The following GALNT13 variants were observed in gnomAD, a reference collection of about 807,000 sequenced individuals.
GALNT13 encodes polypeptide N-acetylgalactosaminyltransferase 13.
In GALNT13, 28 loss-of-function variants were observed where a neutral mutation model predicts 64.2. The ratio of observed to expected loss-of-function variants is 0.44; its 90% CI spans 0.32 to 0.60. GALNT13 has a LOEUF of 0.60. Ranked by LOEUF, GALNT13 falls within the 20% of genes least tolerant of loss-of-function variation. The pLI, the probability that GALNT13 is intolerant of heterozygous loss-of-function variation, is 0.05. For missense variants in GALNT13, 577 were observed against 669.8 expected (o/e 0.86, Z 1.53); for synonymous variants, 214 against 224.6 (o/e 0.95, Z 0.42).
At chr2:153,515,957 C>G in the GALNT13 span, among the ~76,000 whole-genome samples, 1 of 152,140 alleles carries the variant, frequency 6.6e-6, no homozygotes, top group East Asian at 1.9e-4. Flanking sequence ...TACCAAAGGG[C>G]CATGACAGCA....
At chr2:153,297,347 C>T in the GALNT13 span, among the ~76,000 whole-genome samples, 265 of 152,192 alleles carry the variant, frequency 1.7e-3, 8 homozygotes, top group East Asian at 0.043. Flanking sequence ...TTTCTATTTG[C>T]AACTGTGAAG....
the GALNT13 span, among the ~76,000 whole-genome samples, chr2:153,314,321 T>C: frequency 6.6e-6 from 1 of 152,068 alleles, no homozygotes; most frequent in Non-Finnish European, 1.5e-5. Flanking sequence ...ATTATGCATA[T>C]TGAGAGTTCT....
At chr2:154,016,503 C>T (rs901076900) in intron 3 of GALNT13, among the ~76,000 whole-genome samples, 14 of 152,190 alleles carry the variant, frequency 9.2e-5, no homozygotes, top group Admixed American at 5.9e-4. Context: ...CTGCAACTTC[C>T]GCCTCCCTGG....
chr2:154,172,523 A>T (rs1685415335), intron 4 of GALNT13, among the ~76,000 whole-genome samples: 1 of 151,956 alleles, frequency 6.6e-6, no homozygotes, highest in Admixed American at 6.6e-5. Context: ...GCTCCTACTC[A>T]TGAGTGAGAA....
At position 154,334,859 on chromosome 2, in the gene GALNT13, G is replaced by C. The variant is rs116771081; in HGVS notation, c.1156+33270G>C. On this transcript the variant is annotated intron_variant, in intron 9 of 12. Coordinates refer to ENST00000392825, the MANE Select transcript of GALNT13 (RefSeq NM_052917.4). ...TAATTCACACCCAGTTGCCCTTTGA[G>C]ATAAATTTCAGGCTGCTGCTTAACT... Among the ~76,000 whole-genome samples the C allele has an allele frequency of 3.1e-3, 474 of 152,032 alleles. 3 individuals are homozygous for C. Among genetic ancestry groups the C allele is most frequent in the African/African-American group, 0.01 (423 of 41,520 alleles).
At chr2:153,665,034 A>C in the GALNT13 span, among the ~76,000 whole-genome samples, 2 of 152,204 alleles carry the variant, frequency 1.3e-5, no homozygotes, top group African/African-American at 4.8e-5. Flanking sequence ...AACTCACAGA[A>C]ATATTGAATA....
chr2:153,318,081 A>G, the GALNT13 span, among the ~76,000 whole-genome samples: 1 of 151,110 alleles, frequency 6.6e-6, no homozygotes, highest in African/African-American at 2.4e-5. Flanking sequence ...ACATGTGCTA[A>G]TATCTTTGCA....
chr2:153,295,420 C>T, the GALNT13 span, among the ~76,000 whole-genome samples: 2 of 151,852 alleles, frequency 1.3e-5, no homozygotes, highest in East Asian at 1.9e-4. Flanking sequence ...CAAATTGGCA[C>T]CTTGGATTAA....
chr2:153,605,253 A>G, the GALNT13 span, among the ~76,000 whole-genome samples: 1 of 152,120 alleles, frequency 6.6e-6, no homozygotes, highest in African/African-American at 2.4e-5. Flanking sequence ...TAGGCTCTTT[A>G]CACAGAGCTG....
the GALNT13 span, among the ~76,000 whole-genome samples, chr2:153,221,784 T>C: frequency 6.6e-6 from 1 of 151,694 alleles, no homozygotes; most frequent in Non-Finnish European, 1.5e-5. Context: ...CTCCAGGCAC[T>C]GGCTCCGTGC....
chr2:153,808,621 C>T, the GALNT13 span, among the ~76,000 whole-genome samples: 1 of 152,142 alleles, frequency 6.6e-6, no homozygotes, highest in Non-Finnish European at 1.5e-5. Flanking sequence ...CAGAAAATCT[C>T]ATATATAAGA....
the GALNT13 span, among the ~76,000 whole-genome samples, chr2:153,432,417 C>G: frequency 2.0e-5 from 3 of 152,116 alleles, no homozygotes; most frequent in South Asian, 6.2e-4. Context: ...AATTAACTTT[C>G]GAGCTGCACA....
intron 3 of GALNT13, among the ~76,000 whole-genome samples, chr2:154,123,056 A>G (rs986973047): frequency 6.6e-6 from 1 of 152,060 alleles, no homozygotes; most frequent in African/African-American, 2.4e-5. Context: ...TGAAGTATAG[A>G]AGGAAAAATG....
At chr2:153,569,932 G>T in the GALNT13 span, among the ~76,000 whole-genome samples, 2 of 152,092 alleles carry the variant, frequency 1.3e-5, no homozygotes, top group African/African-American at 4.8e-5. Context: ...ACAGATAAGT[G>T]AGAACACACG....
chr2:154,215,342 A>G (rs771250338), intron 4 of GALNT13, among the ~76,000 whole-genome samples: 10 of 136,830 alleles, frequency 7.3e-5, no homozygotes, highest in Non-Finnish European at 1.4e-4. Context: ...CTAACATAGA[A>G]ACCTGGTTAT....
At chr2:153,907,937 C>G (rs1688693986) in intron 2 of GALNT13, among the ~76,000 whole-genome samples, 1 of 152,056 alleles carries the variant, frequency 6.6e-6, no homozygotes, top group Non-Finnish European at 1.5e-5. Flanking sequence ...AATGGGATTG[C>G]TGGGTTGAAT....
chr2:153,355,325 T>C, the GALNT13 span, among the ~76,000 whole-genome samples: 3 of 152,330 alleles, frequency 2.0e-5, no homozygotes, highest in South Asian at 6.2e-4. Flanking sequence ...AATAAATGTA[T>C]GCTATATTTC....
At chr2:154,347,245 T>C (rs1298463009) in intron 9 of GALNT13, among the ~76,000 whole-genome samples, 1 of 152,146 alleles carries the variant, frequency 6.6e-6, no homozygotes, top group East Asian at 1.9e-4. Context: ...TCTGCATCCT[T>C]GCTATTGCCC....
the GALNT13 span, among the ~76,000 whole-genome samples, chr2:153,368,574 A>G: frequency 6.6e-6 from 1 of 152,172 alleles, no homozygotes; most frequent in Non-Finnish European, 1.5e-5. Flanking sequence ...TATTAGGGAT[A>G]AAGAAGGTCA....
Sources: gnomAD v4.1 joint callset for allele counts (sites outside exome capture counted in the v4.1 genomes callset) on GRCh38, gnomAD v4.1.1 for gene constraint, MANE v1.5 for transcripts, NCBI Gene and HGNC (gene_info 2026-07-23, HGNC 2026-07-21) for gene names.